The following CCNL2 variants were observed in gnomAD, a reference collection of about 807,000 sequenced individuals.
The protein encoded by CCNL2 is cyclin L2, also known as cyclin-L2.
Under a neutral mutation model 59.1 loss-of-function variants are expected in CCNL2, and 28 were observed. The observed-to-expected ratio is 0.47, with a 90% CI of 0.35 to 0.65. CCNL2 has a LOEUF of 0.65. Ranked by LOEUF, CCNL2 falls within the 30% of genes least tolerant of loss-of-function variation. CCNL2 has a pLI of 0.00. For synonymous variants in CCNL2, 342 were observed against 288.6 expected (o/e 1.19, Z -1.88); for missense variants, 714 against 717.4 (o/e 1.00, Z 0.05).
In CCNL2 at chr1:1,386,321, C is replaced by T. The variant is rs917640846; in HGVS notation, c.*910G>A. On this transcript the variant is annotated 3_prime_UTR_variant, in exon 11 of 11. Coordinates refer to ENST00000400809, the MANE Select transcript of CCNL2 (RefSeq NM_030937.6). ...CATCCTGATGGGCAGAGGACTCAGG[C>T]CCCTCACAAGCCTTCGGCAGAAGGG... 6.6e-6 allele frequency: 1 copy of T among 152,254 alleles called. No homozygotes were observed. The highest frequency in any genetic ancestry group is 2.4e-5 in the African/African-American group (1 of 41,460). The allele number at this position is 152,254 out of a possible 1,614,324, so 9.4% of individuals were successfully genotyped here.
chr1:1,390,201 A>T (rs901887068), intron 8 of CCNL2, 29 bp downstream of exon 8: 3 of 1,574,414 alleles, frequency 1.9e-6, no homozygotes, highest in Non-Finnish European at 2.6e-6. Context: ...CTTTGTGGGG[A>T]GTGGATTCCT....
At chr1:1,389,086 A>T (rs1644622356) in intron 8 of CCNL2, 1 of 166,616 alleles carries the variant, frequency 6.0e-6, no homozygotes, top group African/African-American at 2.5e-5. Context: ...AAAAAAAGAA[A>T]TGCAGGCCGG....
intron 3 of CCNL2, among the ~76,000 whole-genome samples, chr1:1,396,863 C>A (rs1278743955): frequency 6.6e-6 from 1 of 152,108 alleles, no homozygotes; most frequent in East Asian, 1.9e-4. Flanking sequence ...ATTCTCCTGC[C>A]TCAGCCTCCC....
Position 1,390,281 on chromosome 1 carries a change from C to T in CCNL2, c.955G>A (p.Gly319Ser). ...KAQARGLLPG[G>S]TQVLDGTSGF... Reference sequence around the variant, plus strand: ...GAGGTACCATCCAGCACCTGTGTGCCCCCAGGCAACAGGCCCCGGGCTTGG... The same window carrying T: ...GAGGTACCATCCAGCACCTGTGTGCTCCCAGGCAACAGGCCCCGGGCTTGG... Residue 319 changes from glycine (G) to serine (S), a missense_variant, in exon 8 of 11, where the codon GGC becomes AGC. By Grantham distance (56) the Gly-to-Ser change is moderately conservative. Coordinates refer to ENST00000400809, the MANE Select transcript of CCNL2 (RefSeq NM_030937.6). The T allele has an allele frequency of 1.1e-5, 17 of 1,613,794 alleles. No individual in the cohort carries two copies. Among genetic ancestry groups the T allele is most frequent in the Non-Finnish European group, 1.4e-5 (17 of 1,179,794 alleles).
intron 8 of CCNL2, 95 bp downstream of exon 8, chr1:1,390,134 TG>T: frequency 3.0e-6 from 3 of 984,916 alleles, no homozygotes; most frequent in Non-Finnish European, 2.8e-6. Flanking sequence ...AAAAAAAAAA[TG>T]TCTGGAAGGA....
intron 5 of CCNL2, 88 bp from the exon 6 acceptor site, chr1:1,390,953 C>G: frequency 8.8e-7 from 1 of 1,136,788 alleles, no homozygotes; most frequent in South Asian, 1.3e-5. Flanking sequence ...TCTAGATAAA[C>G]GTACTACTCC....
chr1:1,398,065 T>A (rs1309233594), intron 3 of CCNL2, among the ~76,000 whole-genome samples, 168 bp downstream of exon 3: 1 of 152,240 alleles, frequency 6.6e-6, no homozygotes, highest in Non-Finnish European at 1.5e-5. Context: ...CCGCATCTAC[T>A]GATGCCTCTG....
chr1:1,396,898 G>A (rs547788158), intron 3 of CCNL2, among the ~76,000 whole-genome samples: 3 of 152,128 alleles, frequency 2.0e-5, no homozygotes, highest in South Asian at 4.1e-4. Flanking sequence ...ACAGGCACCC[G>A]CCACCACGCC....
At chr1:1,392,482 C>T in intron 5 of CCNL2, 1 of 1,258,048 alleles carries the variant, frequency 7.9e-7, no homozygotes, top group Non-Finnish European at 1.0e-6. Flanking sequence ...TCACAGCTTT[C>T]CATAGCATTT....
intron 1 of CCNL2, 110 bp from the exon 2 acceptor site, chr1:1,398,781 C>T (rs1645199057): frequency 8.0e-7 from 1 of 1,256,918 alleles, no homozygotes; most frequent in African/African-American, 1.5e-5. Flanking sequence ...CACTGAAACG[C>T]TTCCCACGTC....
Position 1,387,984 on chromosome 1 carries a change from T to A in CCNL2, c.1088A>T (p.Lys363Met). ...KNTKRRLEGA[K>M]KAKADSPVNG... ...CACGGGGCTGTCCGCCTTGGCTTTC[T>A]TGGCGCCCTCCAGCCTCCTCTTGGT... The change falls in exon 9 of 11, where the codon AAG (lysine) becomes ATG (methionine). Residue 363 changes from lysine to methionine, a missense_variant. Lys to Met is a moderately conservative substitution (Grantham distance 95). Transcript: ENST00000400809. The A allele has an allele frequency of 6.2e-7, 1 of 1,614,116 alleles. No homozygotes were observed.
At chr1:1,394,751 A>G (rs1644925404) in intron 4 of CCNL2, among the ~76,000 whole-genome samples, 1 of 143,428 alleles carries the variant, frequency 7.0e-6, no homozygotes, top group Non-Finnish European at 1.5e-5. Flanking sequence ...CTCCGTCTCA[A>G]GAAAAAAAAA....
At chr1:1,394,007 T>A (rs1569961659) in intron 4 of CCNL2, among the ~76,000 whole-genome samples, 1 of 151,748 alleles carries the variant, frequency 6.6e-6, no homozygotes, top group Non-Finnish European at 1.5e-5. Context: ...ACGCCTGTAA[T>A]CCCAGGTACT....
intron 5 of CCNL2, chr1:1,391,734 A>C: frequency 2.5e-6 from 1 of 394,358 alleles, no homozygotes; most frequent in Non-Finnish European, 4.6e-6. Context: ...TTAAAAGTTA[A>C]AGCATTTAAA....
chr1:1,390,632 A>G, intron 6 of CCNL2, 69 bp from the exon 7 acceptor site: 4 of 1,492,140 alleles, frequency 2.7e-6, no homozygotes, highest in Non-Finnish European at 3.7e-6. Context: ...CAGGACAATT[A>G]AAAAACAGCC....
chr1:1,394,640 C>T (rs186701037), intron 4 of CCNL2, among the ~76,000 whole-genome samples: 45 of 150,560 alleles, frequency 3.0e-4, no homozygotes, highest in African/African-American at 1.1e-3. Context: ...ATCCCAGCTA[C>T]TTGGGAGGCT....
chr1:1,398,428 C>T, intron 2 of CCNL2, 86 bp from the exon 3 acceptor site: 1 of 1,592,602 alleles, frequency 6.3e-7, no homozygotes, highest in African/African-American at 1.4e-5. Flanking sequence ...GCTATTCAGA[C>T]CAAAAGGGAG....
At chr1:1,398,123 C>T in intron 3 of CCNL2, 110 bp downstream of exon 3, 1 of 1,032,680 alleles carries the variant, frequency 9.7e-7, no homozygotes, top group South Asian at 1.5e-5. Context: ...GAATATCCCA[C>T]AGGTTTAGAG....
chr1:1,392,674 C>T (rs1490294139), intron 5 of CCNL2: 2 of 1,543,346 alleles, frequency 1.3e-6, no homozygotes, highest in Admixed American at 2.1e-5. Context: ...ATGCTATGTG[C>T]GTACCACCAG....
Sources: allele counts gnomAD v4.1 joint callset (sites outside exome capture counted in the v4.1 genomes callset), GRCh38; gene constraint gnomAD v4.1.1; transcripts MANE v1.5; gene names NCBI Gene and HGNC (gene_info 2026-07-23, HGNC 2026-07-21).